The following FAM185A variants were observed in gnomAD, a reference collection of about 807,000 sequenced individuals.
The protein encoded by FAM185A is protein FAM185A.
A neutral mutation model predicts 45.7 loss-of-function variants in FAM185A; 21 were observed. The observed-to-expected ratio is 0.46, with a 90% CI of 0.33 to 0.66. The LOEUF (loss-of-function observed/expected upper bound fraction) is 0.66. Ranked by LOEUF, FAM185A falls within the 30% of genes least tolerant of loss-of-function variation. The pLI, the probability that FAM185A is intolerant of heterozygous loss-of-function variation, is 0.03. For synonymous variants in FAM185A, 117 were observed against 194.0 expected, an observed-to-expected ratio of 0.60 and a Z score of 3.30; for missense variants, 305 against 485.4, an observed-to-expected ratio of 0.63 and a Z score of 3.49.
chr7:102,826,944 A>T, the FAM185A span: 1 of 284,606 alleles, frequency 3.5e-6, no homozygotes, highest in East Asian at 7.8e-5. Context: ...TAAGAGCTCT[A>T]TCGTATTATT....
chr7:102,848,278 C>T, the FAM185A span, among the ~76,000 whole-genome samples: 2 of 46,484 alleles, frequency 4.3e-5, 1 homozygote, highest in Non-Finnish European at 7.3e-5. Flanking sequence ...CATTCGAGGC[C>T]GGGCGCGGTG....
At position 102,761,269 on chromosome 7, in the gene FAM185A, C is replaced by T; in HGVS notation, c.655-4C>T. 1.3e-6 allele frequency: 2 copies of T among 1,532,346 alleles called. No homozygotes were observed. The highest frequency in any genetic ancestry group is 2.5e-5 in the East Asian group (1 of 40,012). 94.9% of individuals were successfully genotyped at this position (1,532,346 alleles called of 1,614,324 possible). ...AATGAACTGATTAGTCTTTCTCTTA[C>T]TAGGCTGTGACCATAGATAAACTGC... On this transcript the variant is annotated splice_polypyrimidine_tract_variant and splice_region_variant and intron_variant, in intron 3 of 7. Coordinates refer to ENST00000413034, the MANE Select transcript of FAM185A (RefSeq NM_001145268.2).
At chr7:102,830,932 T>TG in the FAM185A span, among the ~76,000 whole-genome samples, 1 of 152,256 alleles carries the variant, frequency 6.6e-6, no homozygotes, top group South Asian at 2.1e-4. Context: ...CTCTTATGTC[T>TG]GGTAATCCTT....
chr7:102,848,272 C>T, the FAM185A span, among the ~76,000 whole-genome samples: 1 of 124,020 alleles, frequency 8.1e-6, no homozygotes, highest in African/African-American at 3.8e-5. Flanking sequence ...AATACACATT[C>T]GAGGCCGGGC....
downstream of FAM185A, among the ~76,000 whole-genome samples, chr7:102,809,851 T>G (rs779790390): frequency 3.3e-5 from 5 of 152,158 alleles, no homozygotes; most frequent in Admixed American, 2.6e-4. Context: ...TGGGGCCTGA[T>G]TGGATCATGT....
chr7:102,835,910 C>A, the FAM185A span, among the ~76,000 whole-genome samples: 3 of 152,086 alleles, frequency 2.0e-5, no homozygotes, highest in African/African-American at 7.2e-5. Flanking sequence ...CGCCCGGCCC[C>A]GACATTGTTT....
the FAM185A span, among the ~76,000 whole-genome samples, chr7:102,846,165 CT>C: frequency 5.6e-4 from 85 of 152,286 alleles, no homozygotes; most frequent in African/African-American, 2.0e-3. Flanking sequence ...GCTTATATAT[CT>C]GCCTAACCCA....
chr7:102,806,498 T>G (rs1443452292), intron 7 of FAM185A, among the ~76,000 whole-genome samples: 1 of 152,236 alleles, frequency 6.6e-6, no homozygotes, highest in African/African-American at 2.4e-5. Context: ...CATTTGCTTT[T>G]TAAGGCTACT....
At chr7:102,785,832 G>C (rs1795753343) in intron 6 of FAM185A, among the ~76,000 whole-genome samples, 2 of 151,022 alleles carry the variant, frequency 1.3e-5, no homozygotes, top group Non-Finnish European at 1.5e-5. Flanking sequence ...TGACAAATGG[G>C]ATCTAATTAA....
At chr7:102,817,508 T>C in the FAM185A span, among the ~76,000 whole-genome samples, 3 of 152,224 alleles carry the variant, frequency 2.0e-5, no homozygotes, top group African/African-American at 4.8e-5. Context: ...TATTAGACCT[T>C]TGTCGGATGC....
chr7:102,768,569 A>C (rs1013794663), intron 4 of FAM185A, among the ~76,000 whole-genome samples: 7 of 144,248 alleles, frequency 4.9e-5, no homozygotes, highest in Non-Finnish European at 9.1e-5. Flanking sequence ...CAAAAACCAC[A>C]AAATGACTTA....
chr7:102,771,380 A>G (rs1384565994), intron 4 of FAM185A, among the ~76,000 whole-genome samples: 1 of 152,184 alleles, frequency 6.6e-6, no homozygotes, highest in African/African-American at 2.4e-5. Context: ...TAGTAATCTT[A>G]TAAGCTTCAG....
At chr7:102,809,513 G>GA (rs1342153303), downstream of FAM185A, among the ~76,000 whole-genome samples, 3 of 151,932 alleles carry the variant, frequency 2.0e-5, no homozygotes, top group African/African-American at 7.3e-5. Context: ...GGCTAACATG[G>GA]TAAAACCCCA....
chr7:102,776,096 C>CTATACACACACACACACACACACA (rs1562858766), intron 5 of FAM185A, among the ~76,000 whole-genome samples: 1 of 97,144 alleles, frequency 1.0e-5, no homozygotes, highest in African/African-American at 6.2e-5. Context: ...ATGTTGGCTC[C>CTATACACACACACACACACACACA]TATACACACA....
chr7:102,816,618 TA>T, the FAM185A span, among the ~76,000 whole-genome samples: 2 of 151,858 alleles, frequency 1.3e-5, no homozygotes, highest in African/African-American at 4.8e-5. Context: ...CACGCACCTT[TA>T]AAAAAAAATT....
At chr7:102,775,545 T>A (rs1459222665) in intron 5 of FAM185A, among the ~76,000 whole-genome samples, 1 of 151,268 alleles carries the variant, frequency 6.6e-6, no homozygotes. Flanking sequence ...ACAGATAACA[T>A]GAGGATATAA....
the FAM185A span, among the ~76,000 whole-genome samples, chr7:102,845,702 T>G: frequency 6.6e-6 from 1 of 152,198 alleles, no homozygotes; most frequent in African/African-American, 2.4e-5. Flanking sequence ...CTTCCCTTGT[T>G]CAGGTTGCTA....
At chr7:102,832,435 G>T in the FAM185A span, among the ~76,000 whole-genome samples, 1 of 152,164 alleles carries the variant, frequency 6.6e-6, no homozygotes, top group African/African-American at 2.4e-5. Flanking sequence ...GGTATAAACT[G>T]TAACCCCAAG....
chr7:102,843,158 G>A, the FAM185A span, among the ~76,000 whole-genome samples: 1 of 152,096 alleles, frequency 6.6e-6, no homozygotes, highest in Admixed American at 6.5e-5. Context: ...TATTTCAAGT[G>A]GTAGGCCGGG....
Sources: gnomAD v4.1 joint callset for allele counts (sites outside exome capture counted in the v4.1 genomes callset) on GRCh38, gnomAD v4.1.1 for gene constraint, MANE v1.5 for transcripts, NCBI Gene and HGNC (gene_info 2026-07-23, HGNC 2026-07-21) for gene names.